Variants in NUP98 observed in about 807,000 individuals in gnomAD.
NUP98 encodes nuclear pore complex protein Nup98-Nup96.
A neutral mutation model predicts 191.9 loss-of-function variants in NUP98; 26 were observed. The observed-to-expected ratio is 0.14, with a 90% CI of 0.10 to 0.19. NUP98 has a LOEUF of 0.19. Ranked by LOEUF, NUP98 falls within the 10% of genes least tolerant of loss-of-function variation. NUP98 has a pLI of 1.00. For missense variants in NUP98, 1,941 were observed against 2,178.8 expected (o/e 0.89, Z 2.17); for synonymous variants, 808 against 778.4 (o/e 1.04, Z -0.63).
At chr11:3,792,201 A>C (rs1477067459) in intron 1 of NUP98, among the ~76,000 whole-genome samples, 1 of 149,106 alleles carries the variant, frequency 6.7e-6, no homozygotes, top group African/African-American at 2.5e-5. Flanking sequence ...AAAAAAAAAA[A>C]AAAAAAAACA....
intron 29 of NUP98, 28 bp downstream of exon 29, chr11:3,685,945 C>G: frequency 6.4e-7 from 1 of 1,573,338 alleles, no homozygotes; most frequent in Non-Finnish European, 8.7e-7. Context: ...CTAGATGTAC[C>G]CAGTGGGTTC....
chr11:3,748,005 CTTAA>C (rs907724327), intron 11 of NUP98, among the ~76,000 whole-genome samples: 1 of 152,162 alleles, frequency 6.6e-6, no homozygotes, highest in Admixed American at 6.6e-5. Context: ...GTGTAAAATT[CTTAA>C]TTGATTGTAT....
intron 14 of NUP98, among the ~76,000 whole-genome samples, chr11:3,730,053 C>T (rs1219972671): frequency 6.6e-6 from 1 of 151,608 alleles, no homozygotes; most frequent in Non-Finnish European, 1.5e-5. Flanking sequence ...ACCAGCCTGG[C>T]CAACATGGCG....
At chr11:3,718,829 A>T (rs898445641) in intron 18 of NUP98, among the ~76,000 whole-genome samples, 1 of 151,974 alleles carries the variant, frequency 6.6e-6, no homozygotes, top group Non-Finnish European at 1.5e-5. Context: ...GACCCAATAA[A>T]ATCAGGGAGG....
In NUP98 at chr11:3,723,276, A is replaced by G. The variant is rs750201682; in HGVS notation, c.2027T>C (p.Met676Thr). 12 of 1,614,140 alleles carry G rather than the reference A, an allele frequency of 7.4e-6. No homozygotes were observed. The highest frequency in any genetic ancestry group is 5.0e-5 in the Admixed American group (3 of 60,002). ...CAGCCCATTTCGCAAAGCAGCACGC[A>G]TGTTTAATGCAACAATGGTATCATC... ...SVDDTIVALN[M>T]RAALRNGLEG... is the part of the protein sequence containing the mutation. The change falls in exon 16 of 33, where the codon ATG becomes ACG. Residue 676 changes from methionine to threonine, a missense_variant. Physicochemically the swap from Met to Thr is moderately conservative, Grantham distance 81. Coordinates refer to ENST00000324932, the MANE Select transcript of NUP98 (RefSeq NM_016320.5).
chr11:3,740,819 TATATA>T (rs2080255237), intron 12 of NUP98, among the ~76,000 whole-genome samples: 1 of 149,898 alleles, frequency 6.7e-6, no homozygotes, highest in East Asian at 1.9e-4. Flanking sequence ...AATATATATA[TATATA>T]TTTTTTTTTT....
At chr11:3,686,284 A>C in intron 28 of NUP98, 90 bp from the exon 29 acceptor site, 1 of 1,133,500 alleles carries the variant, frequency 8.8e-7, no homozygotes, top group Non-Finnish European at 1.3e-6. Context: ...TAAGACAATA[A>C]AAGAACCTGA....
At chr11:3,721,679 A>G (rs1324723321) in intron 16 of NUP98, among the ~76,000 whole-genome samples, 2 of 152,136 alleles carry the variant, frequency 1.3e-5, no homozygotes, top group East Asian at 3.8e-4. Context: ...AGCCTGGGCA[A>G]CCAAGAGTGA....
intron 15 of NUP98, 71 bp from the exon 16 acceptor site, chr11:3,723,526 C>A: frequency 7.7e-7 from 1 of 1,301,622 alleles, no homozygotes; most frequent in East Asian, 2.3e-5. Flanking sequence ...TAACTAATAC[C>A]GAGCCTTTAC....
intron 20 of NUP98, among the ~76,000 whole-genome samples, chr11:3,707,269 AAG>A (rs2078888389): frequency 6.6e-6 from 1 of 152,180 alleles, no homozygotes; most frequent in African/African-American, 2.4e-5. Context: ...TAAAAATGTC[AAG>A]AGTTATATTT....
chr11:3,720,967 G>GGTGTGTGTGTGT (rs1183823264), intron 16 of NUP98, 142 bp from the exon 17 acceptor site: 7 of 434,520 alleles, frequency 1.6e-5, no homozygotes, highest in African/African-American at 1.4e-4. Context: ...TAGGAGAAGG[G>GGTGTGTGTGTGT]GTGTGTGAGT....
At position 3,744,621 on chromosome 11, in the gene NUP98, A is replaced by C; in HGVS notation, c.1296T>G (p.Phe432Leu). 6.2e-7 allele frequency: 1 copy of C among 1,613,354 alleles called. No homozygotes were observed. The highest frequency in any genetic ancestry group is 8.5e-7 in the Non-Finnish European group (1 of 1,179,542). Residue 432 changes from phenylalanine (F) to leucine (L), a missense_variant, in exon 12 of 33, where the codon TTT (phenylalanine) becomes TTG (leucine). Phe to Leu is a conservative substitution (Grantham distance 22). Around this residue, in one of 6 missense-constraint regions of NUP98, gnomAD observed 453 missense variants for 438.2 expected, o/e 1.03. Transcript: ENST00000324932. ...CTCCAATCTTAGGTTGGTTGTTCCC[A>C]AACAAAGATGCCTGTCCAGCACCAA... is the stretch of plus-strand genomic sequence containing the variant. ...TALGAGQASL[F>L]GNNQPKIGGP...
In NUP98 at chr11:3,719,449, C is replaced by T. The variant is rs540232998; in HGVS notation, c.2362G>A (p.Asp788Asn). The change falls in exon 18 of 33, where the codon GAT becomes AAT. Residue 788 changes from aspartate (D) to asparagine (N), a missense_variant. Around this residue, in one of 6 missense-constraint regions of NUP98, gnomAD observed 95 missense variants for 139.7 expected, o/e 0.68. Transcript: ENST00000324932. ...TCACCCACAGGTGGTTTTTGGTTAT[C>T]ATCTAAGTAGACAACTACTTCTTTC... ...RRKEVVVYLD[D>N]NQKPPVGEGL... 2 of 1,599,516 alleles carry T rather than the reference C, an allele frequency of 1.3e-6. No homozygotes were observed. Among genetic ancestry groups the T allele is most frequent in the Admixed American group, 3.6e-5 (2 of 56,260 alleles).
intron 20 of NUP98, among the ~76,000 whole-genome samples, chr11:3,709,190 T>C (rs1397497984): frequency 6.6e-6 from 1 of 152,290 alleles, no homozygotes; most frequent in East Asian, 1.9e-4. Context: ...GGCAAACAGT[T>C]TGATCCAATA....
In NUP98 at chr11:3,706,451, G is replaced by C. The variant is rs769207330; in HGVS notation, c.2919C>G (p.Val973=). Residue 973 remains valine (V), a synonymous_variant, in exon 21 of 33, where the codon GTC becomes GTG. Coordinates refer to ENST00000324932, the MANE Select transcript of NUP98 (RefSeq NM_016320.5). ...AGGTGGGTTAGAACTTCACCTGTAA[G>C]ACATGTGGATTAATTCCCAGTGAAG... ...IASSLGINPH[V]LQIMKASLLT... is the part of the protein sequence containing the mutation. The C allele has an allele frequency of 6.8e-6, 11 of 1,614,022 alleles. No homozygotes were observed. The highest frequency in any genetic ancestry group is 9.3e-6 in the Non-Finnish European group (11 of 1,179,924).
In NUP98 at chr11:3,765,405, T is replaced by C. The variant is rs114654639; in HGVS notation, c.949-2366A>G. Among the ~76,000 whole-genome samples, 618 of 152,352 alleles carry C rather than the reference T, an allele frequency of 4.1e-3. 2 individuals carry two copies. Among genetic ancestry groups the C allele is most frequent in the African/African-American group, 0.014 (582 of 41,586 alleles). ...TTGAAAAAGCCCAACTTATCTATTT[T>C]TTCTTTTCTGCTTTTGCTTTTGGTG... is the stretch of plus-strand genomic sequence containing the variant. On this transcript the variant is annotated intron_variant, in intron 8 of 32. Coordinates refer to ENST00000324932, the MANE Select transcript of NUP98 (RefSeq NM_016320.5).
intron 18 of NUP98, among the ~76,000 whole-genome samples, chr11:3,718,711 A>G (rs988745845): frequency 6.6e-6 from 1 of 152,174 alleles, no homozygotes; most frequent in Non-Finnish European, 1.5e-5. Context: ...CTTGACTAAG[A>G]TATTAGAAGC....
chr11:3,733,419 C>A (rs1199822902), intron 13 of NUP98, among the ~76,000 whole-genome samples: 2 of 152,174 alleles, frequency 1.3e-5, no homozygotes, highest in Non-Finnish European at 2.9e-5. Context: ...TCAAGTGATT[C>A]GCCTGCCTCA....
rs570236815 is a variant in NUP98 at position 3,776,977 on chromosome 11, C to T, written c.356-956G>A. Among the ~76,000 whole-genome samples, 3 of 152,310 alleles carry T rather than the reference C, an allele frequency of 2.0e-5. No homozygotes were observed. In the South Asian group the frequency reaches 6.2e-4, roughly 32 times the overall value. On this transcript the variant is annotated intron_variant, in intron 4 of 32. Coordinates refer to ENST00000324932, the MANE Select transcript of NUP98 (RefSeq NM_016320.5). ...CATTTCTCCCTTTCTCATTTAACTA[C>T]ATGCTGAATGAACTTGTCTTTCTGA...
Sources: allele counts gnomAD v4.1 joint callset (sites outside exome capture counted in the v4.1 genomes callset), GRCh38; gene constraint gnomAD v4.1.1; regional missense constraint gnomAD v4.1.1; transcripts MANE v1.5; gene names NCBI Gene and HGNC (gene_info 2026-07-23, HGNC 2026-07-21).